Variants in CCDC157 observed in about 807,000 individuals in gnomAD.
CCDC157 encodes coiled-coil domain containing 157.
CCDC157 carries 60 observed loss-of-function variants against 70.9 expected under a neutral mutation model. The ratio of observed to expected loss-of-function variants is 0.85; its 90% CI spans 0.69 to 1.05. The LOEUF is 1.05. Ranked by LOEUF, CCDC157 falls within the 50% of genes least tolerant of loss-of-function variation. The pLI is 0.00. For missense variants in CCDC157, 943 were observed against 984.2 expected (o/e 0.96, Z 0.56); for synonymous variants, 373 against 422.4 (o/e 0.88, Z 1.43).
chr22:30,365,339 G>C (rs1410837592), intron 2 of CCDC157, among the ~76,000 whole-genome samples: 1 of 151,918 alleles, frequency 6.6e-6, no homozygotes, highest in East Asian at 1.9e-4. Context: ...GGGAGACTGT[G>C]GGGTGGAGGG....
In CCDC157 at chr22:30,365,981, T is replaced by C. The variant is rs751685537; in HGVS notation, c.-11-9T>C. The C allele has an allele frequency of 8.9e-6, 14 of 1,566,776 alleles. No individual in the cohort carries two copies. The highest frequency in any genetic ancestry group is 1.2e-5 in the Non-Finnish European group (14 of 1,161,850). On this transcript the variant is annotated splice_polypyrimidine_tract_variant and intron_variant, in intron 2 of 11. Coordinates refer to ENST00000338306, the MANE Select transcript of CCDC157 (RefSeq NM_001017437.5). ...TCTGGCTGGCAGGGCTCTTCTCTGC[T>C]CACCCCAGGATCTGTGAGGATGGCG...
Position 30,375,587 on chromosome 22 carries a change from T to A in CCDC157, c.1781T>A (p.Val594Asp). The stretch of plus-strand genomic sequence containing the variant: ...CAGTCCAACGACATCCGCATCCGGG[T>A]CCTACAGGAGGAGAACGGGCGGCTC... ...QVQSNDIRIR[V>D]LQEENGRLQS... The change falls in exon 10 of 12, where the codon GTC (valine) becomes GAC (aspartate). Residue 594 changes from valine to aspartate, a missense_variant. Physicochemically the swap from Val to Asp is radical, Grantham distance 152. Transcript: ENST00000338306. The A allele has an allele frequency of 1.2e-6, 2 of 1,614,102 alleles. No individual in the cohort carries two copies. The highest frequency in any genetic ancestry group is 1.7e-6 in the Non-Finnish European group (2 of 1,180,022).
At chr22:30,373,409 T>C (rs1440267372) in intron 7 of CCDC157, 188 bp from the exon 8 acceptor site, 3 of 626,520 alleles carry the variant, frequency 4.8e-6, no homozygotes, top group Non-Finnish European at 8.2e-6. Flanking sequence ...CCGGTGTGCA[T>C]CTGCCTGCTG....
In CCDC157 at chr22:30,378,375, T is replaced by C. The variant is rs1027123138; in HGVS notation, c.*1630T>C. 4.0e-6 allele frequency: 1 copy of C among 253,160 alleles called. No individual in the cohort carries two copies. Among genetic ancestry groups the C allele is most frequent in the Non-Finnish European group, 8.2e-6 (1 of 122,394 alleles). The allele number at this position is 253,160 out of a possible 1,614,324, so 15.7% of individuals were successfully genotyped here. A position where few individuals can be genotyped will look rare whatever the true frequency, so the allele number is the denominator to read the frequency against. ...CAGGCGCAGTGGCTCACGTCTGTAATCCCAGCACTTTGGGAGGCCGAGGCA... is the reference window on the plus strand; with the variant it reads ...CAGGCGCAGTGGCTCACGTCTGTAACCCCAGCACTTTGGGAGGCCGAGGCA... On this transcript the variant is annotated 3_prime_UTR_variant, in exon 12 of 12. Transcript: ENST00000338306.
At position 30,370,463 on chromosome 22, in the gene CCDC157, G is replaced by A; in HGVS notation, c.558G>A (p.Glu186=). Residue 186 remains glutamate, a synonymous_variant, in exon 5 of 12, where the codon GAG becomes GAA. Coordinates refer to ENST00000338306, the MANE Select transcript of CCDC157 (RefSeq NM_001017437.5). ...PVLGLPQTCQ[E]PESIPVRASL... ...TAGGCTTGCCCCAGACCTGCCAAGA[G>A]CCAGAGAGCATCCCTGTCAGAGCCT... The A allele has an allele frequency of 6.2e-7, 1 of 1,614,084 alleles. No individual in the cohort carries two copies. Among genetic ancestry groups the A allele is most frequent in the Non-Finnish European group, 8.5e-7 (1 of 1,180,032 alleles).
intron 7 of CCDC157, 131 bp downstream of exon 7, chr22:30,372,417 T>C: frequency 8.0e-7 from 1 of 1,252,502 alleles, no homozygotes; most frequent in Admixed American, 2.9e-5. Flanking sequence ...GGTGTGGGGG[T>C]TGACTCACCT....
In CCDC157 at chr22:30,370,306, T is replaced by A; in HGVS notation, c.421-20T>A. 6.2e-7 allele frequency: 1 copy of A among 1,610,158 alleles called. No homozygotes were observed. Among genetic ancestry groups the A allele is most frequent in the Non-Finnish European group, 8.5e-7 (1 of 1,177,028 alleles). ...TACTCTCTCCCTCACCTGCTTTCCC[T>A]TGTCTTTTTCTGAACACAGAAAGGG... On this transcript the variant is annotated intron_variant, in intron 4 of 11. Coordinates refer to ENST00000338306, the MANE Select transcript of CCDC157 (RefSeq NM_001017437.5).
In CCDC157 at chr22:30,370,446, C is replaced by T; in HGVS notation, c.541C>T (p.Pro181Ser). The stretch of plus-strand genomic sequence containing the variant: ...GCCCTCCTCCCCAGTGCTAGGCTTG[C>T]CCCAGACCTGCCAAGAGCCAGAGAG... ...IKPSSPVLGL[P>S]QTCQEPESIP... is the part of the protein sequence containing the mutation. The change falls in exon 5 of 12, where the codon CCC becomes TCC. Residue 181 changes from proline (P) to serine (S), a missense_variant. Physicochemically the swap from Pro to Ser is moderately conservative, Grantham distance 74 (BLOSUM62 -1). Transcript: ENST00000338306. The T allele has an allele frequency of 3.7e-6, 6 of 1,614,126 alleles. No homozygotes were observed. Among genetic ancestry groups the T allele is most frequent in the Non-Finnish European group, 5.1e-6 (6 of 1,180,040 alleles).
intron 1 of CCDC157, among the ~76,000 whole-genome samples, chr22:30,361,247 C>CAA (rs33971565): frequency 0.26 from 16,144 of 61,814 alleles, 1,714 homozygotes; most frequent in Non-Finnish European, 0.32. Context: ...GACTCTGTCT[C>CAA]AAAAAAAAAA....
chr22:30,374,423 C>A (rs776564381), intron 9 of CCDC157: 30 of 512,932 alleles, frequency 5.8e-5, no homozygotes, highest in Non-Finnish European at 9.9e-5. Flanking sequence ...TGTGTGTCCC[C>A]CTTCTTGGTT....
chr22:30,356,692 A>G, upstream of CCDC157: 1 of 1,428,492 alleles, frequency 7.0e-7, no homozygotes, highest in South Asian at 1.4e-5. Flanking sequence ...GCCCAGGCCA[A>G]CCCTCCGGCT....
chr22:30,372,366 G>T (rs1287594303), intron 7 of CCDC157, 80 bp downstream of exon 7: 3 of 1,436,902 alleles, frequency 2.1e-6, no homozygotes, highest in Non-Finnish European at 2.7e-6. Context: ...AGGGAATGGG[G>T]GATCATCTAT....
intron 3 of CCDC157, 54 bp from the exon 4 acceptor site, chr22:30,369,378 G>A: frequency 7.1e-7 from 1 of 1,417,878 alleles, no homozygotes; most frequent in Non-Finnish European, 9.3e-7. Context: ...TGTATGGTCT[G>A]AGGGTATGTT....
At chr22:30,372,511 G>T in intron 7 of CCDC157, 1 of 533,470 alleles carries the variant, frequency 1.9e-6, no homozygotes, top group South Asian at 3.7e-5. Flanking sequence ...CACTCTGGAA[G>T]AGCGCCCCAC....
chr22:30,375,464 T>C lies in CCDC157; in HGVS notation c.1673-15T>C, dbSNP rs370770487. 201 of 1,613,844 alleles carry C rather than the reference T, an allele frequency of 1.2e-4. No homozygotes were observed. The highest frequency in any genetic ancestry group is 9.9e-4 in the Middle Eastern group (6 of 6,058). On this transcript the variant is annotated splice_polypyrimidine_tract_variant and intron_variant, in intron 9 of 11. Coordinates refer to ENST00000338306, the MANE Select transcript of CCDC157 (RefSeq NM_001017437.5). ...GGTGTGCCTCCCTTCTAAGGTCCTGTCCCATTGGGCACAGGAGGCAGATCC... is the reference window on the plus strand; with the variant it reads ...GGTGTGCCTCCCTTCTAAGGTCCTGCCCCATTGGGCACAGGAGGCAGATCC...
At position 30,369,529 on chromosome 22, in the gene CCDC157, G is replaced by A. The variant is rs368161356; in HGVS notation, c.346G>A (p.Val116Met). Residue 116 changes from valine (V) to methionine (M), a missense_variant, in exon 4 of 12, where the codon GTG becomes ATG. Physicochemically the swap from Val to Met is conservative, Grantham distance 21 (BLOSUM62 1). Coordinates refer to ENST00000338306, the MANE Select transcript of CCDC157 (RefSeq NM_001017437.5). ...PAQAAGPCMSVGLTVRRFWDS... is the reference protein window; with the variant it reads ...PAQAAGPCMSMGLTVRRFWDS... ...ACAGGCTGCGGGGCCCTGCATGTCC[G>A]TGGGGCTCACGGTGCGGCGCTTCTG... 6.5e-5 allele frequency: 104 copies of A among 1,606,726 alleles called. No homozygotes were observed. Among genetic ancestry groups the A allele is most frequent in the African/African-American group, 9.4e-5 (7 of 74,444 alleles).
At chr22:30,357,758 C>T (rs1932014282) in intron 1 of CCDC157, among the ~76,000 whole-genome samples, 1 of 151,518 alleles carries the variant, frequency 6.6e-6, no homozygotes, top group African/African-American at 2.4e-5. Context: ...CTCAAATGAT[C>T]CGCCCGCCTC....
At position 30,373,748 on chromosome 22, in the gene CCDC157, A is replaced by T. The variant is rs1428928378; in HGVS notation, c.1487A>T (p.Gln496Leu). 6.4e-7 allele frequency: 1 copy of T among 1,553,434 alleles called. No homozygotes were observed. Among genetic ancestry groups the T allele is most frequent in the African/African-American group, 1.4e-5 (1 of 73,456 alleles). The part of the protein sequence containing the change: ...LQSEREQGQC[Q>L]LRAQQELLQS... ...AGCGAGCGGGAGCAGGGGCAATGCCAGCTCAGGGCCCAGCAGGTGAGGGTG... is the reference window on the plus strand; with the variant it reads ...AGCGAGCGGGAGCAGGGGCAATGCCTGCTCAGGGCCCAGCAGGTGAGGGTG... The change falls in exon 8 of 12, where the codon CAG (glutamine) becomes CTG (leucine). Residue 496 changes from glutamine (Q) to leucine (L), a missense_variant. Physicochemically the swap from Gln to Leu is moderately radical, Grantham distance 113. Coordinates refer to ENST00000338306, the MANE Select transcript of CCDC157 (RefSeq NM_001017437.5).
Position 30,371,723 on chromosome 22 carries a change from T to C in CCDC157, c.1119T>C (p.Ala373=). The stretch of plus-strand genomic sequence containing the variant: ...AACAGCAGCGGGAGTCCACACAGGC[T>C]GTGGGTAAGGAGCCCCATCATAGGC... The part of the protein sequence containing the change: ...ELKQQRESTQ[A]VEAKAQQLQE... Residue 373 remains alanine, a synonymous_variant, in exon 6 of 12, where the codon GCT becomes GCC. Coordinates refer to ENST00000338306, the MANE Select transcript of CCDC157 (RefSeq NM_001017437.5). 6.2e-7 allele frequency: 1 copy of C among 1,613,824 alleles called. No homozygotes were observed. Among genetic ancestry groups the C allele is most frequent in the African/African-American group, 1.3e-5 (1 of 75,056 alleles).
Sources: allele counts gnomAD v4.1 joint callset (sites outside exome capture counted in the v4.1 genomes callset), GRCh38; gene constraint gnomAD v4.1.1; transcripts MANE v1.5; gene names NCBI Gene and HGNC (gene_info 2026-07-23, HGNC 2026-07-21).